TAFA1: variants seen among roughly 807,000 people sequenced by gnomAD.
The protein encoded by TAFA1 is chemokine-like protein TAFA-1.
A neutral mutation model predicts 18.5 loss-of-function variants in TAFA1; 4 were observed. That is an observed-to-expected ratio of 0.22 (90% confidence interval 0.11 to 0.49). The LOEUF (loss-of-function observed/expected upper bound fraction) is 0.49. Among genes scored for constraint, TAFA1 ranks in the 20% least tolerant of loss-of-function variants. The pLI is 0.98. For missense variants in TAFA1, 147 were observed against 169.0 expected, an observed-to-expected ratio of 0.87 and a Z score of 0.72; for synonymous variants, 56 against 55.2, an observed-to-expected ratio of 1.01 and a Z score of -0.06.
chr3:68,395,047 C>T (rs2070346366), intron 2 of TAFA1, among the ~76,000 whole-genome samples: 1 of 152,092 alleles, frequency 6.6e-6, no homozygotes. Context: ...GCAATATATT[C>T]ATCTGACAAA....
chr3:68,336,792 C>G (rs528697861), intron 2 of TAFA1, among the ~76,000 whole-genome samples: 7 of 152,290 alleles, frequency 4.6e-5, no homozygotes, highest in African/African-American at 1.4e-4. Flanking sequence ...GGCACGATCT[C>G]AGCTCAGTGC....
chr3:68,106,693 T>C (rs867454904), intron 2 of TAFA1, among the ~76,000 whole-genome samples: 3 of 152,252 alleles, frequency 2.0e-5, no homozygotes, highest in South Asian at 4.1e-4. Flanking sequence ...ATGAAATATC[T>C]GCTAAAGGAC....
chr3:68,126,423 G>T (rs1415530674), intron 2 of TAFA1, among the ~76,000 whole-genome samples: 1 of 152,132 alleles, frequency 6.6e-6, no homozygotes. Flanking sequence ...TTCCTTGGAG[G>T]GCTCTTATAT....
intron 2 of TAFA1, among the ~76,000 whole-genome samples, chr3:68,030,429 G>A (rs914189912): frequency 4.6e-5 from 7 of 151,914 alleles, no homozygotes; most frequent in African/African-American, 1.5e-4. Context: ...CCCACCAGCC[G>A]ACAGGCCCCA....
chr3:68,175,374 C>G (rs779997369), intron 2 of TAFA1, among the ~76,000 whole-genome samples: 2 of 152,216 alleles, frequency 1.3e-5, no homozygotes, highest in Non-Finnish European at 2.9e-5. Context: ...CTCAGACACT[C>G]AATTCTAGCC....
intron 3 of TAFA1, among the ~76,000 whole-genome samples, chr3:68,521,913 G>C (rs1211598173): frequency 8.0e-6 from 1 of 124,516 alleles, no homozygotes; most frequent in Admixed American, 1.0e-4. Context: ...AGGCTGAAGT[G>C]CAGTGGCATG....
intron 2 of TAFA1, among the ~76,000 whole-genome samples, chr3:68,267,210 C>T (rs889719251): frequency 1.3e-5 from 2 of 152,162 alleles, no homozygotes; most frequent in African/African-American, 4.8e-5. Context: ...TGTGGACATA[C>T]ATCAAAACAT....
chr3:68,197,540 A>G (rs191380769), intron 2 of TAFA1, among the ~76,000 whole-genome samples: 139 of 151,628 alleles, frequency 9.2e-4, no homozygotes, highest in Admixed American at 1.6e-3. Context: ...ATCAGTGGCA[A>G]CATCTAATTA....
At chr3:68,171,457 G>T (rs967686919) in intron 2 of TAFA1, among the ~76,000 whole-genome samples, 1 of 152,116 alleles carries the variant, frequency 6.6e-6, no homozygotes, top group African/African-American at 2.4e-5. Flanking sequence ...CTAAATTTTG[G>T]TGATTTGTTT....
intron 3 of TAFA1, among the ~76,000 whole-genome samples, chr3:68,425,979 T>C (rs568407585): frequency 2.0e-4 from 30 of 152,026 alleles, no homozygotes; most frequent in African/African-American, 7.2e-4. Context: ...CAATGGAATA[T>C]GTGGTAACAA....
intron 2 of TAFA1, among the ~76,000 whole-genome samples, chr3:68,357,385 A>AG (rs1376710130): frequency 6.6e-6 from 1 of 151,496 alleles, no homozygotes; most frequent in Non-Finnish European, 1.5e-5. Context: ...TTTTCAGAAA[A>AG]AAAAACTAGG....
intron 2 of TAFA1, among the ~76,000 whole-genome samples, chr3:68,197,462 G>A (rs767775427): frequency 6.6e-6 from 1 of 151,528 alleles, no homozygotes; most frequent in Admixed American, 6.6e-5. Context: ...TATGGGGTTC[G>A]GGAAATGCAA....
rs368078839 is a variant in TAFA1 at position 68,524,679 on chromosome 3, G to GTTTTTT, written c.260-14073_260-14068dup. Among the ~76,000 whole-genome samples, 183 of 149,978 alleles carry GTTTTTT rather than the reference G, an allele frequency of 1.2e-3. 4 individuals carry two copies. The East Asian group carries it at 0.031, about 25-fold the overall frequency. ...GTTTTTTGTTTTTGTTTTTGTTTTT[G>GTTTTTT]TTTTTTTTTGAGACTGAGTCTCCCT... On this transcript the variant is annotated intron_variant, in intron 3 of 4. Transcript: ENST00000478136.
chr3:68,283,998 G>A (rs562937501), intron 2 of TAFA1, among the ~76,000 whole-genome samples: 11 of 152,326 alleles, frequency 7.2e-5, no homozygotes, highest in African/African-American at 1.9e-4. Flanking sequence ...AATGGAGAAT[G>A]CCTGTTGCTC....
chr3:68,463,047 T>C (rs1192761501), intron 3 of TAFA1, among the ~76,000 whole-genome samples: 2 of 152,224 alleles, frequency 1.3e-5, no homozygotes, highest in East Asian at 3.8e-4. Flanking sequence ...GTTGTCACTC[T>C]CTACAGGGAC....
intron 2 of TAFA1, among the ~76,000 whole-genome samples, chr3:68,084,706 G>A (rs2064949484): frequency 6.6e-6 from 1 of 151,882 alleles, no homozygotes; most frequent in South Asian, 2.1e-4. Context: ...GCTCAGGCAG[G>A]AGAATCGCTT....
chr3:68,324,771 G>A (rs1035964259), intron 2 of TAFA1, among the ~76,000 whole-genome samples: 27 of 152,172 alleles, frequency 1.8e-4, no homozygotes, highest in African/African-American at 6.3e-4. Flanking sequence ...ATTCTAGATT[G>A]GATATCTTAT....
chr3:68,083,555 T>G (rs1321968999), intron 2 of TAFA1, among the ~76,000 whole-genome samples: 2 of 152,192 alleles, frequency 1.3e-5, no homozygotes, highest in African/African-American at 4.8e-5. Context: ...CACAAGTGCA[T>G]GGATGTTTAT....
At chr3:68,234,704 G>A (rs2107123087) in intron 2 of TAFA1, among the ~76,000 whole-genome samples, 1 of 152,176 alleles carries the variant, frequency 6.6e-6, no homozygotes, top group East Asian at 1.9e-4. Flanking sequence ...TCATTGGTTA[G>A]TTTCTCCCAC....
Sources: allele counts gnomAD v4.1 joint callset (sites outside exome capture counted in the v4.1 genomes callset), GRCh38; gene constraint gnomAD v4.1.1; transcripts MANE v1.5; gene names NCBI Gene and HGNC (gene_info 2026-07-23, HGNC 2026-07-21).